CEP131: variants seen among roughly 807,000 people sequenced by gnomAD.
The protein encoded by CEP131 is centrosomal protein 131.
Under a neutral mutation model 136.8 loss-of-function variants are expected in CEP131, and 99 were observed. The observed-to-expected ratio is 0.72, with a 90% CI of 0.62 to 0.86. The LOEUF (loss-of-function observed/expected upper bound fraction) is 0.86, where lower values mean the gene tolerates loss of function less well. Ranked by LOEUF, CEP131 falls within the 40% of genes least tolerant of loss-of-function variation. The probability of loss-of-function intolerance (pLI) is 0.00; values close to 1 mark genes in which losing one functional copy is unlikely to be tolerated. For synonymous variants in CEP131, 646 were observed against 612.7 expected (o/e 1.05, Z -0.80); for missense variants, 1,459 against 1,463.0 (o/e 1.00, Z 0.04).
intron 16 of CEP131, among the ~76,000 whole-genome samples, chr17:81,195,514 C>T (rs1213814088): frequency 6.6e-6 from 1 of 152,196 alleles, no homozygotes; most frequent in East Asian, 1.9e-4. Flanking sequence ...GGTCCCATGG[C>T]CCAAGGACCT....
intron 19 of CEP131, 60 bp downstream of exon 19, chr17:81,192,676 G>A: frequency 7.4e-7 from 1 of 1,352,910 alleles, no homozygotes; most frequent in Non-Finnish European, 1.0e-6. Flanking sequence ...GAGGGGGCGG[G>A]GGGGAGGGGT....
At chr17:81,214,054 T>A (rs1038868052) in intron 2 of CEP131, among the ~76,000 whole-genome samples, 2 of 152,198 alleles carry the variant, frequency 1.3e-5, no homozygotes, top group Admixed American at 6.5e-5. Context: ...TCATGTGGGA[T>A]CCTGGGACAG....
At chr17:81,204,924 T>C (rs781299573) in intron 5 of CEP131, among the ~76,000 whole-genome samples, 23 of 152,318 alleles carry the variant, frequency 1.5e-4, no homozygotes, top group Non-Finnish European at 2.4e-4. Flanking sequence ...TTTGAGCTGT[T>C]CAGGAATGAG....
intron 8 of CEP131, 56 bp from the exon 9 acceptor site, chr17:81,199,891 C>T: frequency 6.4e-7 from 1 of 1,563,696 alleles, no homozygotes; most frequent in Non-Finnish European, 8.7e-7. Context: ...GAATCCAGAC[C>T]CAGACCAGAG....
At chr17:81,212,321 CAA>C (rs71166130) in intron 2 of CEP131, among the ~76,000 whole-genome samples, 3 of 135,072 alleles carry the variant, frequency 2.2e-5, no homozygotes, top group Non-Finnish European at 3.1e-5. Flanking sequence ...GATTCCCTCT[CAA>C]AAAAAAAAAA....
chr17:81,191,151 T>C, intron 22 of CEP131, 42 bp downstream of exon 22: 1 of 1,608,578 alleles, frequency 6.2e-7, no homozygotes. Context: ...CCTCAGCTCG[T>C]GGGCCTCCCC....
intron 2 of CEP131, among the ~76,000 whole-genome samples, chr17:81,213,824 A>G (rs1020025963): frequency 7.9e-5 from 12 of 152,230 alleles, no homozygotes; most frequent in African/African-American, 2.9e-4. Flanking sequence ...TGTGGACCCC[A>G]GACAGGATGG....
intron 21 of CEP131, among the ~76,000 whole-genome samples, 173 bp from the exon 22 acceptor site, chr17:81,191,508 G>A (rs1019508260): frequency 6.6e-6 from 1 of 152,166 alleles, no homozygotes; most frequent in Admixed American, 6.5e-5. Context: ...TCAGGACCCA[G>A]TGTGGGCATA....
chr17:81,208,213 C>G lies in CEP131; in HGVS notation c.272+715G>C, dbSNP rs796312409. 1.3e-5 allele frequency among the ~76,000 whole-genome samples: 2 copies of G among 152,292 alleles called. No homozygotes were observed. The highest frequency in any genetic ancestry group is 4.8e-5 in the African/African-American group (2 of 41,566). ...TAGTTGCTGAGCTAAGAGCGGCTCC[C>G]GGAGGCTGCACTGGATAGGGTGTGG... On this transcript the variant is annotated intron_variant, in intron 3 of 25. Coordinates refer to ENST00000450824, the MANE Select transcript of CEP131 (RefSeq NM_014984.4). The surrounding 1 kb of genome is among the most constrained non-coding windows in gnomAD (Gnocchi z 5.6).
At chr17:81,195,684 T>C (rs1598275741) in intron 16 of CEP131, 151 bp downstream of exon 16, 3 of 682,606 alleles carry the variant, frequency 4.4e-6, no homozygotes, top group Non-Finnish European at 5.0e-6. Flanking sequence ...GCCACGGTGC[T>C]CCCCCAGACA....
At chr17:81,191,140 G>A (rs374259140) in intron 22 of CEP131, 53 bp downstream of exon 22, 31 of 1,606,160 alleles carry the variant, frequency 1.9e-5, no homozygotes, top group East Asian at 2.2e-5. Context: ...GGGTCCTTGC[G>A]CCTCAGCTCG....
At chr17:81,190,063 G>T in intron 24 of CEP131, 88 bp from the exon 25 acceptor site, 1 of 1,163,458 alleles carries the variant, frequency 8.6e-7, no homozygotes, top group Admixed American at 2.7e-5. Context: ...CGGGGCAGCC[G>T]CCTGGTCAGC....
intron 2 of CEP131, among the ~76,000 whole-genome samples, chr17:81,216,006 G>A (rs1401785805): frequency 6.6e-6 from 1 of 151,908 alleles, no homozygotes; most frequent in Non-Finnish European, 1.5e-5. Context: ...TGGGAGGATC[G>A]CTTCAGCCCA....
At position 81,198,251 on chromosome 17, in the gene CEP131, G is replaced by A. The variant is rs2061811925; in HGVS notation, c.1334C>T (p.Ala445Val). 3 of 1,603,780 alleles carry A rather than the reference G, an allele frequency of 1.9e-6. No homozygotes were observed. Among genetic ancestry groups the A allele is most frequent in the Middle Eastern group, 1.7e-4 (1 of 6,038 alleles). ...GGACTTGGCGCTCCCCCTGCTCGGG[G>A]CCATCATCTCCAGGTTGTCCCCAGC... ...DAAGDNLEMM[A>V]PSRGSAKSRG... The change falls in exon 12 of 26, where the codon GCC becomes GTC. Residue 445 changes from alanine (A) to valine (V), a missense_variant. Physicochemically the swap from Ala to Val is moderately conservative, Grantham distance 64 (BLOSUM62 0). This residue lies in a region of CEP131 where 1,026 missense variants were observed against 964.2 expected (regional missense o/e 1.06). Coordinates refer to ENST00000450824, the MANE Select transcript of CEP131 (RefSeq NM_014984.4).
chr17:81,212,941 G>C (rs746176047), intron 2 of CEP131, among the ~76,000 whole-genome samples: 6 of 152,290 alleles, frequency 3.9e-5, no homozygotes, highest in Middle Eastern at 3.4e-3. Context: ...GCCCAGTAGG[G>C]ACAAGCACAC....
In CEP131 at chr17:81,190,717, T is replaced by C. The variant is rs550696518; in HGVS notation, c.3029A>G (p.Glu1010Gly). The change falls in exon 24 of 26, where the codon GAG becomes GGG. Residue 1010 changes from glutamate to glycine, a missense_variant. By Grantham distance (98) the Glu-to-Gly change is moderately conservative (BLOSUM62 -2). Transcript: ENST00000450824. ...CTCGGCCTTGGCCTGCCGCGTCTCC[T>C]CCTCAGAGGCTGCCAGCCGGTCCTC... ...EFEDRLAASE[E>G]ETRQAKAELA... The C allele has an allele frequency of 6.2e-7, 1 of 1,610,300 alleles. No homozygotes were observed. The highest frequency in any genetic ancestry group is 2.2e-5 in the East Asian group (1 of 44,820).
intron 6 of CEP131, 23 bp from the exon 7 acceptor site, chr17:81,202,421 C>T (rs1368619995): frequency 1.2e-6 from 2 of 1,607,178 alleles, no homozygotes; most frequent in East Asian, 2.2e-5. Flanking sequence ...AAGAAAACAC[C>T]CTCGTCTCAC....
At chr17:81,195,591 T>C (rs1351019474) in intron 16 of CEP131, among the ~76,000 whole-genome samples, 4 of 152,064 alleles carry the variant, frequency 2.6e-5, no homozygotes, top group Admixed American at 2.6e-4. Flanking sequence ...GGGCAGGGAC[T>C]GTGCGTCCAC....
chr17:81,206,275 CCT>C (rs1441512801), intron 5 of CEP131, among the ~76,000 whole-genome samples: 2 of 152,194 alleles, frequency 1.3e-5, no homozygotes, highest in African/African-American at 4.8e-5. Flanking sequence ...CGGTCTCTCC[CCT>C]GAGACTATTC....
Sources: allele counts gnomAD v4.1 joint callset (sites outside exome capture counted in the v4.1 genomes callset), GRCh38; gene constraint gnomAD v4.1.1; regional missense constraint gnomAD v4.1.1; non-coding constraint Gnocchi (gnomAD v3.1); transcripts MANE v1.5; gene names NCBI Gene and HGNC (gene_info 2026-07-23, HGNC 2026-07-21).